The following RLN2 variants were observed in gnomAD, a reference collection of about 807,000 sequenced individuals.
RLN2 encodes relaxin 2, also known as prorelaxin H2.
Under a neutral mutation model 7.3 loss-of-function variants are expected in RLN2, and 10 were observed. The observed-to-expected ratio is 1.36, with a 90% CI of 0.84 to 2.31. The LOEUF (loss-of-function observed/expected upper bound fraction) is 2.31, where lower values mean the gene tolerates loss of function less well. RLN2 is among the 30% of genes most tolerant of loss of function. RLN2 has a pLI of 0.00. For synonymous variants in RLN2, 103 were observed against 82.3 expected (o/e 1.25, Z -1.36); for missense variants, 298 against 217.6 (o/e 1.37, Z -2.32).
At chr9:5,316,852 C>T in the RLN2 span, among the ~76,000 whole-genome samples, 1 of 151,862 alleles carries the variant, frequency 6.6e-6, no homozygotes, top group African/African-American at 2.4e-5. Flanking sequence ...GGTTCTAGAT[C>T]CTTGAGGAGT....
At chr9:5,302,980 C>A (rs1245262146) in intron 1 of RLN2, among the ~76,000 whole-genome samples, 1 of 128,588 alleles carries the variant, frequency 7.8e-6, no homozygotes, top group East Asian at 2.2e-4. Flanking sequence ...GAGTGCTTCT[C>A]ATTTTTCACG....
At chr9:5,331,485 C>T in the RLN2 span, among the ~76,000 whole-genome samples, 1 of 151,838 alleles carries the variant, frequency 6.6e-6, no homozygotes, top group African/African-American at 2.4e-5. Context: ...TACTATGCAG[C>T]CATAAAAAAG....
At chr9:5,311,621 G>C in the RLN2 span, 1 of 1,262,570 alleles carries the variant, frequency 7.9e-7, no homozygotes, top group South Asian at 1.2e-5. Context: ...AAAGGGAAAA[G>C]CTGATGCTGG....
chr9:5,308,596 C>G (rs1435719283), upstream of RLN2, among the ~76,000 whole-genome samples: 1 of 151,926 alleles, frequency 6.6e-6, no homozygotes, highest in Non-Finnish European at 1.5e-5. Context: ...ACCCCAGAGC[C>G]CGGCTCTTCC....
the RLN2 span, among the ~76,000 whole-genome samples, chr9:5,316,695 G>A: frequency 6.6e-6 from 1 of 151,900 alleles, no homozygotes; most frequent in Non-Finnish European, 1.5e-5. Flanking sequence ...GTCTATCATG[G>A]GTGGGCATTT....
At position 5,300,019 on chromosome 9, in the gene RLN2, G is replaced by A; in HGVS notation, c.*79C>T. The A allele has an allele frequency of 3.6e-6, 3 of 836,224 alleles. No individual in the cohort carries two copies. The highest frequency in any genetic ancestry group is 5.6e-6 in the Non-Finnish European group (3 of 532,862). 51.8% of individuals were successfully genotyped at this position (836,224 alleles called of 1,614,324 possible). A position where few individuals can be genotyped will look rare whatever the true frequency, so the allele number is the denominator to read the frequency against. On this transcript the variant is annotated 3_prime_UTR_variant, in exon 2 of 2. Transcript: ENST00000381627. Reference sequence around the variant, plus strand: ...TTCTTAGATATTCTAAGAATTGATGGGACCTGATAGAAGCATCAGTGAAAT... The same window carrying A: ...TTCTTAGATATTCTAAGAATTGATGAGACCTGATAGAAGCATCAGTGAAAT...
the RLN2 span, among the ~76,000 whole-genome samples, chr9:5,317,272 C>G: frequency 4.0e-5 from 6 of 151,714 alleles, no homozygotes; most frequent in Non-Finnish European, 7.4e-5. Context: ...CATAAAGTGG[C>G]TGAATGGATA....
the RLN2 span, among the ~76,000 whole-genome samples, chr9:5,336,244 G>C: frequency 2.0e-5 from 3 of 151,972 alleles, no homozygotes; most frequent in Non-Finnish European, 4.4e-5. Context: ...GAGAGAAGTG[G>C]GTTAAAAGAT....
At chr9:5,301,767 G>A (rs1179609139) in intron 1 of RLN2, among the ~76,000 whole-genome samples, 1 of 152,028 alleles carries the variant, frequency 6.6e-6, no homozygotes, top group Non-Finnish European at 1.5e-5. Flanking sequence ...GAGTTTTCTG[G>A]CAAGAGATTC....
At chr9:5,330,655 AG>A in the RLN2 span, among the ~76,000 whole-genome samples, 1 of 149,214 alleles carries the variant, frequency 6.7e-6, no homozygotes. Context: ...AAAAAAAAAA[AG>A]AAAAAAGAAG....
chr9:5,300,389 T>A lies in RLN2; in HGVS notation c.267A>T (p.Glu89Asp). 1 of 1,612,876 alleles carries A rather than the reference T, an allele frequency of 6.2e-7. No homozygotes were observed. Among genetic ancestry groups the A allele is most frequent in the Non-Finnish European group, 8.5e-7 (1 of 1,179,694 alleles). ...KDTETINMMS[E>D]FVANLPQELK... ...GCTCCTGTGGCAAATTAGCAACAAA[T>A]TCTGACATCATATTTATGGTTTCTG... Residue 89 changes from glutamate to aspartate, a missense_variant, in exon 2 of 2, where the codon GAA (glutamate) becomes GAT (aspartate). Coordinates refer to ENST00000381627, the MANE Select transcript of RLN2 (RefSeq NM_134441.3).
chr9:5,333,260 G>A, the RLN2 span, among the ~76,000 whole-genome samples: 1 of 151,948 alleles, frequency 6.6e-6, no homozygotes, highest in Non-Finnish European at 1.5e-5. Context: ...CCTGTTCATA[G>A]GTTCCGCCTC....
At chr9:5,307,241 TGATA>T (rs577113390), upstream of RLN2, among the ~76,000 whole-genome samples, 211 of 147,142 alleles carry the variant, frequency 1.4e-3, no homozygotes, top group Non-Finnish European at 2.1e-3. Context: ...GATAGATAGG[TGATA>T]GATAGATGAT....
chr9:5,306,217 C>T (rs757054787), upstream of RLN2, among the ~76,000 whole-genome samples: 3 of 150,666 alleles, frequency 2.0e-5, no homozygotes, highest in Non-Finnish European at 1.5e-5. Flanking sequence ...AAGCAATTCT[C>T]CTGCCTCAGC....
chr9:5,317,152 C>T, the RLN2 span, among the ~76,000 whole-genome samples: 1 of 151,800 alleles, frequency 6.6e-6, no homozygotes, highest in Admixed American at 6.6e-5. Context: ...AAACAACAAA[C>T]AAAGGATCTA....
At chr9:5,332,428 C>T in the RLN2 span, among the ~76,000 whole-genome samples, 2 of 151,864 alleles carry the variant, frequency 1.3e-5, no homozygotes, top group African/African-American at 4.8e-5. Context: ...ATAGTATTGT[C>T]CCCTGGATAA....
At chr9:5,330,855 A>G in the RLN2 span, among the ~76,000 whole-genome samples, 1 of 151,660 alleles carries the variant, frequency 6.6e-6, no homozygotes, top group Non-Finnish European at 1.5e-5. Context: ...CACTAGCAAC[A>G]CTAATTAAGA....
chr9:5,302,324 T>G (rs1586928268), intron 1 of RLN2, among the ~76,000 whole-genome samples: 2 of 152,310 alleles, frequency 1.3e-5, no homozygotes, highest in East Asian at 3.9e-4. Flanking sequence ...ATAGGCCTCT[T>G]CTGGTTTAAA....
chr9:5,323,393 A>G, the RLN2 span, among the ~76,000 whole-genome samples: 1 of 152,012 alleles, frequency 6.6e-6, no homozygotes, highest in Non-Finnish European at 1.5e-5. Context: ...TTCTCCTAAT[A>G]AAATATATAA....
Sources: gnomAD v4.1 joint callset for allele counts (sites outside exome capture counted in the v4.1 genomes callset) on GRCh38, gnomAD v4.1.1 for gene constraint, MANE v1.5 for transcripts, NCBI Gene and HGNC (gene_info 2026-07-23, HGNC 2026-07-21) for gene names.